WDR74: variants seen among roughly 807,000 people sequenced by gnomAD.
WDR74 encodes WD repeat domain 74, also known as WD repeat-containing protein 74.
In WDR74, 31 loss-of-function variants were observed where a neutral mutation model predicts 45.6. The ratio of observed to expected loss-of-function variants is 0.68; its 90% CI spans 0.51 to 0.92. WDR74 has a LOEUF of 0.92. Among genes scored for constraint, WDR74 ranks in the 40% least tolerant of loss-of-function variants. The probability of loss-of-function intolerance (pLI) is 0.00; values close to 1 mark genes in which losing one functional copy is unlikely to be tolerated. For missense variants in WDR74, 455 were observed against 497.2 expected, an observed-to-expected ratio of 0.92 and a Z score of 0.81; for synonymous variants, 191 against 192.4, an observed-to-expected ratio of 0.99 and a Z score of 0.06.
At chr11:62,834,251 C>T (rs780208571) in intron 8 of WDR74, 25 bp downstream of exon 8, 3 of 1,613,846 alleles carry the variant, frequency 1.9e-6, no homozygotes, top group East Asian at 4.5e-5. Context: ...CCTTCCTTTC[C>T]CCCAATGTAC....
At chr11:62,839,812 G>T, upstream of WDR74, 2 of 569,844 alleles carry the variant, frequency 3.5e-6, no homozygotes, top group Non-Finnish European at 6.2e-6. Context: ...CTGCGTGGCC[G>T]GATCAAGCCA....
At chr11:62,840,669 G>A (rs115006012), upstream of WDR74, among the ~76,000 whole-genome samples, 2,963 of 152,178 alleles carry the variant, frequency 0.019, 89 homozygotes, top group African/African-American at 0.066. Flanking sequence ...TTTATCTAAC[G>A]CGAAGATTTA....
At chr11:62,841,730 T>TG (rs1301001193), upstream of WDR74, 1 of 152,210 alleles carries the variant, frequency 6.6e-6, no homozygotes, top group African/African-American at 2.4e-5. Context: ...TATATTGTCC[T>TG]CGGATAGAGG....
chr11:62,837,507 A>G (rs1463485843), intron 3 of WDR74, among the ~76,000 whole-genome samples: 2 of 149,090 alleles, frequency 1.3e-5, no homozygotes, highest in Admixed American at 6.6e-5. Context: ...TAAAAAAAAA[A>G]CAAAAAACAA....
In WDR74 at chr11:62,835,993, G is replaced by T. The variant is rs1382493002; in HGVS notation, c.337C>A (p.His113Asn). The change falls in exon 4 of 11, where the codon CAT (histidine) becomes AAT (asparagine). Residue 113 changes from histidine (H) to asparagine (N), a missense_variant. Transcript: ENST00000278856. Reference sequence around the variant, plus strand: ...GAGGATGTGTCCTTGTCCTTGTCATGCCAGACTCTGAGAATCCCAGAATCC... The same window carrying T: ...GAGGATGTGTCCTTGTCCTTGTCATTCCAGACTCTGAGAATCCCAGAATCC... ...CVDSGILRVW[H>N]DKDKDTSSDP... The T allele has an allele frequency of 1.3e-6, 2 of 1,597,730 alleles. No homozygotes were observed. The highest frequency in any genetic ancestry group is 3.5e-5 in the Admixed American group (2 of 56,970).
Position 62,834,602 on chromosome 11 carries a change from C to G in WDR74, c.619-75G>C, listed in dbSNP as rs375935083. Reference sequence around the variant, plus strand: ...CTCTGGCGTCTCTGCATCCTCACCCCCTCCCTGCACACTGCTTTCTTATTT... The same window carrying G: ...CTCTGGCGTCTCTGCATCCTCACCCGCTCCCTGCACACTGCTTTCTTATTT... On this transcript the variant is annotated intron_variant, in intron 6 of 10. Coordinates refer to ENST00000278856, the MANE Select transcript of WDR74 (RefSeq NM_001369450.1). 7 of 1,246,066 alleles carry G rather than the reference C, an allele frequency of 5.6e-6. 1 individual carries two copies. The highest frequency in any genetic ancestry group is 5.5e-5 in the South Asian group (4 of 72,926). The allele number at this position is 1,246,066 out of a possible 1,614,324, so 77.2% of individuals were successfully genotyped here. A position where few individuals can be genotyped will look rare whatever the true frequency, so the allele number is the denominator to read the frequency against.
chr11:62,839,659 G>A, upstream of WDR74: 1 of 1,480,182 alleles, frequency 6.8e-7, no homozygotes, highest in South Asian at 1.3e-5. Context: ...CAGTGTAGTT[G>A]CTGGAAGTTT....
intron 4 of WDR74, 52 bp from the exon 5 acceptor site, chr11:62,835,893 C>T: frequency 6.3e-7 from 1 of 1,588,606 alleles, no homozygotes; most frequent in Non-Finnish European, 8.6e-7. Flanking sequence ...ATCCTCCCTT[C>T]CCCAGCGTGA....
intron 10 of WDR74, 127 bp from the exon 11 acceptor site, chr11:62,833,258 G>A: frequency 1.4e-6 from 1 of 690,924 alleles, no homozygotes; most frequent in South Asian, 2.1e-5. Flanking sequence ...GACCAGACTG[G>A]GCAACATAAG....
chr11:62,840,795 G>A (rs1266445101), upstream of WDR74, among the ~76,000 whole-genome samples: 1 of 151,956 alleles, frequency 6.6e-6, no homozygotes, highest in African/African-American at 2.4e-5. Flanking sequence ...CACCATGTTA[G>A]TCAGGCTGGA....
At chr11:62,841,603 T>A (rs543704970), upstream of WDR74, 1 of 152,168 alleles carries the variant, frequency 6.6e-6, no homozygotes, top group Admixed American at 6.5e-5. Flanking sequence ...AAACAACGGT[T>A]GTTCTCTCCC....
At chr11:62,841,011 CCT>C (rs201809829), upstream of WDR74, among the ~76,000 whole-genome samples, 5,212 of 151,028 alleles carry the variant, frequency 0.035, 370 homozygotes, top group Admixed American at 0.19. Flanking sequence ...GTTGTGAAAC[CCT>C]GTCTCCACTA....
intron 3 of WDR74, chr11:62,836,382 T>C (rs1010574345): frequency 6.7e-6 from 2 of 296,452 alleles, no homozygotes; most frequent in Non-Finnish European, 1.3e-5. Flanking sequence ...AAATCAACTC[T>C]GTGATATTCC....
At chr11:62,841,312 G>A (rs1292264569), upstream of WDR74, among the ~76,000 whole-genome samples, 1 of 151,578 alleles carries the variant, frequency 6.6e-6, no homozygotes, top group African/African-American at 2.4e-5. Flanking sequence ...GCAAGACGAC[G>A]TCTCAAAAAA....
Position 62,839,565 on chromosome 11 carries a change from C to T in WDR74, c.6G>A (p.Ala2=). M[A]AAAARWNHVW... is the part of the protein sequence containing the mutation. ...CATGGTTCCAGCGTGCAGCAGCAGCCGCCATGACAAAGCCTGGAGGCAGAC... is the reference window on the plus strand; with the variant it reads ...CATGGTTCCAGCGTGCAGCAGCAGCTGCCATGACAAAGCCTGGAGGCAGAC... Residue 2 remains alanine, a synonymous_variant, in exon 1 of 11, where the codon GCG becomes GCA. Coordinates refer to ENST00000278856, the MANE Select transcript of WDR74 (RefSeq NM_001369450.1). 6.2e-7 allele frequency: 1 copy of T among 1,609,806 alleles called. No individual in the cohort carries two copies. The highest frequency in any genetic ancestry group is 8.5e-7 in the Non-Finnish European group (1 of 1,177,838).
chr11:62,841,688 A>C (rs1014638871), upstream of WDR74: 4 of 145,152 alleles, frequency 2.8e-5, no homozygotes, highest in Admixed American at 6.9e-5. Context: ...GCAAGCTCCT[A>C]TTCCATCTCC....
chr11:62,839,592 G>A, upstream of WDR74: 1 of 1,590,246 alleles, frequency 6.3e-7, no homozygotes. Flanking sequence ...GAGGCAGACA[G>A]TTCACACTTC....
At chr11:62,835,895 C>T (rs2084952184) in intron 4 of WDR74, 54 bp from the exon 5 acceptor site, 3 of 1,587,650 alleles carry the variant, frequency 1.9e-6, no homozygotes, top group Non-Finnish European at 2.6e-6. Context: ...CCTCCCTTCC[C>T]CAGCGTGATC....
Position 62,832,959 on chromosome 11 carries a change from C to T in WDR74, c.1151G>A (p.Ser384Asn). The T allele has an allele frequency of 6.2e-7, 1 of 1,602,494 alleles. No individual in the cohort carries two copies. The highest frequency in any genetic ancestry group is 1.1e-5 in the South Asian group (1 of 90,110). Residue 384 changes from serine (S) to asparagine (N), a missense_variant, in exon 11 of 11, where the codon AGC becomes AAC. Ser to Asn is a conservative substitution (Grantham distance 46, BLOSUM62 1). Transcript: ENST00000278856. ...AAAGTGGGCACAGGGGCGTCAGGGG[C>T]TGGTGGACCCAGGCCGCTTCTTCTT... ...RRKKKRPGST[S>N]P
Sources: allele counts gnomAD v4.1 joint callset (sites outside exome capture counted in the v4.1 genomes callset), GRCh38; gene constraint gnomAD v4.1.1; transcripts MANE v1.5; gene names NCBI Gene and HGNC (gene_info 2026-07-23, HGNC 2026-07-21).